Variants in CSMD1 observed in about 807,000 individuals in gnomAD.
CSMD1 encodes the protein CUB and sushi domain-containing protein 1.
CSMD1 carries 213 observed loss-of-function variants against 417.5 expected under a neutral mutation model. That is an observed-to-expected ratio of 0.51 (90% confidence interval 0.46 to 0.57). The LOEUF (loss-of-function observed/expected upper bound fraction) is 0.57, where lower values mean the gene tolerates loss of function less well. Ranked by LOEUF, CSMD1 falls within the 20% of genes least tolerant of loss-of-function variation. The probability of loss-of-function intolerance (pLI) is 0.00; values close to 1 mark genes in which losing one functional copy is unlikely to be tolerated. For synonymous variants in CSMD1, 2,862 were observed against 1,736.8 expected (o/e 1.65, Z -16.11); for missense variants, 6,923 against 4,529.7 (o/e 1.53, Z -15.17).
At chr8:3,849,563 A>G (rs563193946) in intron 5 of CSMD1, among the ~76,000 whole-genome samples, 6 of 152,178 alleles carry the variant, frequency 3.9e-5, no homozygotes, top group Non-Finnish European at 8.8e-5. Flanking sequence ...CTGCAATTCA[A>G]ATGAGTTCAG....
intron 3 of CSMD1, among the ~76,000 whole-genome samples, chr8:4,198,488 G>C (rs1028908600): frequency 1.3e-5 from 2 of 152,026 alleles, no homozygotes; most frequent in Admixed American, 6.5e-5. Flanking sequence ...AATCACTAGA[G>C]GATGAGAAAG....
At chr8:4,215,747 T>G (rs1301431957) in intron 3 of CSMD1, among the ~76,000 whole-genome samples, 1 of 152,234 alleles carries the variant, frequency 6.6e-6, no homozygotes, top group African/African-American at 2.4e-5. Flanking sequence ...TAATACTTCC[T>G]GTCACTTTTT....
chr8:4,708,963 A>C (rs922437367), intron 1 of CSMD1, among the ~76,000 whole-genome samples: 1 of 152,178 alleles, frequency 6.6e-6, no homozygotes, highest in Non-Finnish European at 1.5e-5. Context: ...GAAAAGAGCA[A>C]TCCTGCTGAT....
At chr8:3,359,704 G>C (rs536062156) in intron 20 of CSMD1, among the ~76,000 whole-genome samples, 151 of 152,130 alleles carry the variant, frequency 9.9e-4, no homozygotes, top group Non-Finnish European at 1.9e-3. Flanking sequence ...ACTATAGTGA[G>C]TAATAATACA....
intron 3 of CSMD1, among the ~76,000 whole-genome samples, chr8:4,290,275 C>G (rs1427707334): frequency 1.3e-5 from 2 of 152,136 alleles, no homozygotes; most frequent in African/African-American, 4.8e-5. Flanking sequence ...AGAAGAAAAG[C>G]ATGGTTTTCA....
chr8:3,096,915 T>G lies in CSMD1; in HGVS notation c.7072A>C (p.Asn2358His), dbSNP rs971491539. 2 of 1,556,978 alleles carry G rather than the reference T, an allele frequency of 1.3e-6. No homozygotes were observed. Among genetic ancestry groups the G allele is most frequent in the African/African-American group, 2.7e-5 (2 of 73,568 alleles). The change falls in exon 47 of 70, where the codon AAC becomes CAC. Residue 2358 changes from asparagine (N) to histidine (H), a missense_variant. Coordinates refer to ENST00000635120, the MANE Select transcript of CSMD1 (RefSeq NM_033225.6). Reference protein sequence around the residue: ...SWSIKVEPNYNITIFVDTFQS... With the variant: ...SWSIKVEPNYHITIFVDTFQS... ...AATGTGTCCACAAAGATGGTAATGT[T>G]GTAGTTTGGTTCCACTTTAATACTC...
intron 10 of CSMD1, among the ~76,000 whole-genome samples, chr8:3,570,347 T>G (rs990658207): frequency 6.6e-6 from 1 of 152,232 alleles, no homozygotes; most frequent in Admixed American, 6.5e-5. Flanking sequence ...TCCTGGCTTC[T>G]AGATATTTCT....
chr8:3,182,838 G>A, intron 36 of CSMD1, among the ~76,000 whole-genome samples: 1 of 134,178 alleles, frequency 7.5e-6, no homozygotes, highest in African/African-American at 2.9e-5. Context: ...CTCTTTATAA[G>A]AAGGTGTGTG....
chr8:4,291,755 T>C (rs977859002), intron 3 of CSMD1, among the ~76,000 whole-genome samples: 3 of 152,170 alleles, frequency 2.0e-5, no homozygotes, highest in Admixed American at 6.5e-5. Flanking sequence ...TTAAAGAATA[T>C]TAGGCTAACT....
chr8:4,840,035 G>C (rs1767143218), intron 1 of CSMD1, among the ~76,000 whole-genome samples: 1 of 152,106 alleles, frequency 6.6e-6, no homozygotes, highest in Non-Finnish European at 1.5e-5. Context: ...GCCTGGTTTG[G>C]GGTTCACAGC....
intron 4 of CSMD1, among the ~76,000 whole-genome samples, chr8:4,029,214 G>C (rs1444976941): frequency 6.6e-6 from 1 of 152,202 alleles, no homozygotes; most frequent in African/African-American, 2.4e-5. Context: ...GATGAAAATA[G>C]GCAGAAATCC....
In CSMD1 at chr8:4,436,689, C is replaced by G. The variant is rs915929982; in HGVS notation, c.303-16624G>C. On this transcript the variant is annotated intron_variant, in intron 2 of 69. Transcript: ENST00000635120. ...CCTTCACTCCTACTACCCTACACAG[C>G]TTCTGGTAACCATCCTACTCCCTAT... Among the ~76,000 whole-genome samples, 4 of 152,146 alleles carry G rather than the reference C, an allele frequency of 2.6e-5. No individual in the cohort carries two copies. In the South Asian group the frequency reaches 8.3e-4, roughly 32 times the overall value.
chr8:2,990,932 T>C (rs186116793), intron 54 of CSMD1, among the ~76,000 whole-genome samples: 41 of 152,364 alleles, frequency 2.7e-4, no homozygotes, highest in African/African-American at 9.4e-4. Context: ...TGGTCTTTCT[T>C]CATTCACCGC....
At chr8:4,361,159 T>A (rs1380698728) in intron 3 of CSMD1, among the ~76,000 whole-genome samples, 1 of 152,166 alleles carries the variant, frequency 6.6e-6, no homozygotes, top group Non-Finnish European at 1.5e-5. Flanking sequence ...ATTTGTAGAA[T>A]GGGCTAAATT....
intron 3 of CSMD1, among the ~76,000 whole-genome samples, chr8:4,340,314 A>C (rs1800402904): frequency 6.6e-6 from 1 of 151,998 alleles, no homozygotes; most frequent in South Asian, 2.1e-4. Flanking sequence ...ATCTCCATCC[A>C]AACCCTTACA....
intron 2 of CSMD1, among the ~76,000 whole-genome samples, chr8:4,478,035 C>G (rs1269491998): frequency 2.0e-5 from 3 of 152,160 alleles, no homozygotes; most frequent in Non-Finnish European, 4.4e-5. Flanking sequence ...CATTCACTTT[C>G]ATCTCCTCTG....
chr8:4,150,435 A>C (rs1628088), intron 3 of CSMD1, among the ~76,000 whole-genome samples: 6,662 of 152,280 alleles, frequency 0.044, 229 homozygotes, highest in Non-Finnish European at 0.061. Flanking sequence ...GGCTTTTGAC[A>C]ACTTCAGTGC....
Position 3,829,548 on chromosome 8 carries a change from G to A in CSMD1, c.819-75506C>T, listed in dbSNP as rs370202359. 7.9e-5 allele frequency among the ~76,000 whole-genome samples: 12 copies of A among 152,234 alleles called. 1 individual carries two copies. In the South Asian group the frequency reaches 2.3e-3, roughly 29 times the overall value. ...AACATGATTACATGAGTTTGGGAGAGTTGCTACTCTTTTCCCTGCTGTAAC... is the reference window on the plus strand; with the variant it reads ...AACATGATTACATGAGTTTGGGAGAATTGCTACTCTTTTCCCTGCTGTAAC... On this transcript the variant is annotated intron_variant, in intron 5 of 69. Coordinates refer to ENST00000635120, the MANE Select transcript of CSMD1 (RefSeq NM_033225.6).
intron 23 of CSMD1, among the ~76,000 whole-genome samples, chr8:3,332,292 A>C (rs571053122): frequency 7.9e-5 from 12 of 152,234 alleles, no homozygotes; most frequent in Non-Finnish European, 1.6e-4. Flanking sequence ...TTTGCATGTG[A>C]ATAAGACCCT....
Sources: allele counts gnomAD v4.1 joint callset (sites outside exome capture counted in the v4.1 genomes callset), GRCh38; gene constraint gnomAD v4.1.1; transcripts MANE v1.5; gene names NCBI Gene and HGNC (gene_info 2026-07-23, HGNC 2026-07-21).